The following COL18A1 variants were observed in gnomAD, a reference collection of about 807,000 sequenced individuals.
COL18A1 encodes the protein collagen alpha-1(XVIII) chain.
Under a neutral mutation model 168.0 loss-of-function variants are expected in COL18A1, and 133 were observed. That is an observed-to-expected ratio of 0.79 (90% CI 0.69 to 0.91). COL18A1 has a LOEUF of 0.91. Among genes scored for constraint, COL18A1 ranks in the 40% least tolerant of loss-of-function variants. The pLI, the probability that COL18A1 is intolerant of heterozygous loss-of-function variation, is 0.00. For synonymous variants in COL18A1, 949 were observed against 809.0 expected (o/e 1.17, Z -2.94); for missense variants, 2,126 against 1,925.4 (o/e 1.10, Z -1.95).
chr21:45,503,415 GTTGT>G (rs1315093274), intron 32 of COL18A1, among the ~76,000 whole-genome samples: 1 of 151,976 alleles, frequency 6.6e-6, no homozygotes, highest in Non-Finnish European at 1.5e-5. Context: ...TTTTGATGGG[GTTGT>G]TTGTGGCACA....
In COL18A1 at chr21:45,504,000, C is replaced by G. The variant is rs776311180; in HGVS notation, c.2684-11C>G. 1.2e-6 allele frequency: 2 copies of G among 1,609,308 alleles called. No individual in the cohort carries two copies. The highest frequency in any genetic ancestry group is 1.7e-6 in the Non-Finnish European group (2 of 1,179,924). On this transcript the variant is annotated splice_polypyrimidine_tract_variant and intron_variant, in intron 32 of 41. Coordinates refer to ENST00000651438, the MANE Select transcript of COL18A1 (RefSeq NM_001379500.1). ...CACCTCAGCGAGACCCCGCCTGTCT[C>G]TCTCTTGCAGGGCAGTTTCCGTTTG...
rs114139997 is a variant in COL18A1 at position 45,455,861 on chromosome 21, G to A, written c.107-12381G>A. 1,477 of 1,613,116 alleles carry A rather than the reference G, an allele frequency of 9.2e-4. 11 individuals are homozygous for A. The African/African-American group carries it at 0.018, about 20-fold the overall frequency. On this transcript the variant is annotated intron_variant, in intron 2 of 41. Coordinates refer to ENST00000651438, the MANE Select transcript of COL18A1 (RefSeq NM_001379500.1). ...GCCAGAGGAGAACATTGCCGGTGTC[G>A]GAGCCGAGATCCTGAACGTGGCCAA... is the stretch of plus-strand genomic sequence containing the variant.
chr21:45,510,643 G>A (rs2037525661), intron 40 of COL18A1, among the ~76,000 whole-genome samples: 1 of 152,228 alleles, frequency 6.6e-6, no homozygotes, highest in African/African-American at 2.4e-5. Flanking sequence ...CATGCGGGCT[G>A]GTGGCCCCTC....
At chr21:45,475,850 C>G (rs2035628886) in intron 5 of COL18A1, among the ~76,000 whole-genome samples, 1 of 152,248 alleles carries the variant, frequency 6.6e-6, no homozygotes, top group Non-Finnish European at 1.5e-5. Context: ...CCTCCGTTAG[C>G]TCGTGCGTGG....
rs1602354702 is a variant in COL18A1 at position 45,425,246 on chromosome 21, G to A, written c.106+19773G>A. Among the ~76,000 whole-genome samples, 2 of 152,122 alleles carry A rather than the reference G, an allele frequency of 1.3e-5. No homozygotes were observed. Among genetic ancestry groups the A allele is most frequent in the African/African-American group, 4.8e-5 (2 of 41,422 alleles). On this transcript the variant is annotated intron_variant, in intron 2 of 41. Coordinates refer to ENST00000651438, the MANE Select transcript of COL18A1 (RefSeq NM_001379500.1). The surrounding 1 kb of genome is among the most constrained non-coding windows in gnomAD (Gnocchi z 4.1). ...GAGTGCAGTGTGACCGCGTCCGCCC[G>A]TCTCCCCGGACACGCCTGTTGGAGC...
intron 8 of COL18A1, 143 bp from the exon 9 acceptor site, chr21:45,478,184 C>A (rs1425975634): frequency 9.2e-7 from 1 of 1,092,894 alleles, no homozygotes; most frequent in African/African-American, 1.5e-5. Flanking sequence ...TGAGGAGGCT[C>A]CTGGCGCGGG....
Position 45,488,321 on chromosome 21 carries a change from A to G in COL18A1, c.1897-97A>G, listed in dbSNP as rs2036185461. On this transcript the variant is annotated intron_variant, in intron 17 of 41. Coordinates refer to ENST00000651438, the MANE Select transcript of COL18A1 (RefSeq NM_001379500.1). ...CATTTCCTTTTACACACGTATTTTG[A>G]AGTCTTGACTGTTACTAGCGGGCTT... is the stretch of plus-strand genomic sequence containing the variant. 4.1e-6 allele frequency: 6 copies of G among 1,481,344 alleles called. No individual in the cohort carries two copies. In the African/African-American group the frequency reaches 6.9e-5, roughly 17 times the overall value. The allele number at this position is 1,481,344 out of a possible 1,614,324, so 91.8% of individuals were successfully genotyped here.
At chr21:45,475,334 C>T (rs1012601927) in intron 4 of COL18A1, 142 bp from the exon 5 acceptor site, 4 of 772,406 alleles carry the variant, frequency 5.2e-6, no homozygotes, top group Non-Finnish European at 9.0e-6. Flanking sequence ...AGCGGCCCCC[C>T]GGAGAGCACC....
chr21:45,440,293 C>T (rs1414144375), intron 2 of COL18A1, among the ~76,000 whole-genome samples: 2 of 152,248 alleles, frequency 1.3e-5, no homozygotes, highest in African/African-American at 2.4e-5. Context: ...TCTCACAGCC[C>T]CTTAGCTTCT....
chr21:45,469,161 A>G (rs151130618), intron 3 of COL18A1, among the ~76,000 whole-genome samples: 1,755 of 152,294 alleles, frequency 0.012, 37 homozygotes, highest in African/African-American at 0.04. Flanking sequence ...CCCGTGACCC[A>G]GAGACACCCC....
chr21:45,475,390 C>A (rs1411090265), intron 4 of COL18A1, 86 bp from the exon 5 acceptor site: 21 of 1,218,670 alleles, frequency 1.7e-5, no homozygotes, highest in Non-Finnish European at 2.2e-5. Context: ...GAGGCGAGAG[C>A]AGCGTCCTTT....
At chr21:45,464,142 T>A (rs2035126596) in intron 2 of COL18A1, among the ~76,000 whole-genome samples, 2 of 151,866 alleles carry the variant, frequency 1.3e-5, no homozygotes, top group Admixed American at 1.3e-4. Flanking sequence ...TGACCACATT[T>A]CCAGGTTGCC....
At position 45,438,060 on chromosome 21, in the gene COL18A1, ACACT is replaced by A. The variant is rs1233756540; in HGVS notation, c.107-30178_107-30175del. Among the ~76,000 whole-genome samples, 123 of 129,164 alleles carry A rather than the reference ACACT, an allele frequency of 9.5e-4. 3 individuals are homozygous for A. The highest frequency in any genetic ancestry group is 2.3e-3 in the Admixed American group (30 of 12,840). The allele number at this position is 129,164 out of a possible 152,430, so 84.7% of individuals were successfully genotyped here. On this transcript the variant is annotated intron_variant, in intron 2 of 41. Transcript: ENST00000651438. ...CACAGGCACTCTCCTGCACACACTC[ACACT>A]CACACTCAGACAAGCACTCTCCTGC...
Position 45,443,219 on chromosome 21 carries a change from G to T in COL18A1, c.107-25023G>T, listed in dbSNP as rs1037697145. On this transcript the variant is annotated intron_variant, in intron 2 of 41. Transcript: ENST00000651438. The surrounding 1 kb of genome is among the most constrained non-coding windows in gnomAD (Gnocchi z 5.2). ...TCTTGCATCCAGCACAGGTCCTGGT[G>T]CCTGGGAGGTGCTTACCCCATGGCC... Among the ~76,000 whole-genome samples the T allele has an allele frequency of 2.0e-5, 3 of 151,820 alleles. No homozygotes were observed. Among genetic ancestry groups the T allele is most frequent in the African/African-American group, 7.3e-5 (3 of 41,230 alleles).
intron 2 of COL18A1, among the ~76,000 whole-genome samples, chr21:45,434,448 T>C (rs545955902): frequency 6.6e-6 from 1 of 152,238 alleles, no homozygotes; most frequent in East Asian, 1.9e-4. Flanking sequence ...CTTTCCTTGC[T>C]CTCTCCGGGG....
rs181910524 is a variant in COL18A1 at position 45,426,451 on chromosome 21, C to A, written c.106+20978C>A. On this transcript the variant is annotated intron_variant, in intron 2 of 41. Transcript: ENST00000651438. ...CAGCCCCTGGTTCAGCGTGGCGAGG[C>A]TGCGCTTGCTCTCCCGGGCGGGCGT... Among the ~76,000 whole-genome samples the A allele has an allele frequency of 3.6e-4, 55 of 152,302 alleles. No individual in the cohort carries two copies. The East Asian group carries it at 0.01, about 28-fold the overall frequency.
intron 6 of COL18A1, among the ~76,000 whole-genome samples, chr21:45,476,691 T>C (rs983573025): frequency 4.6e-5 from 7 of 151,480 alleles, no homozygotes; most frequent in African/African-American, 1.7e-4. Flanking sequence ...TTGTGACATG[T>C]GTGATGTTTA....
chr21:45,475,459 C>G lies in COL18A1; in HGVS notation c.739-17C>G. On this transcript the variant is annotated splice_polypyrimidine_tract_variant and intron_variant, in intron 4 of 41. Coordinates refer to ENST00000651438, the MANE Select transcript of COL18A1 (RefSeq NM_001379500.1). ...TGGCTGCCATCTCTCCAGCCTTTCC[C>G]TTTTCAAACTCCTCAGGCATCCGGA... 6.3e-7 allele frequency: 1 copy of G among 1,589,824 alleles called. No individual in the cohort carries two copies. Among genetic ancestry groups the G allele is most frequent in the African/African-American group, 1.3e-5 (1 of 74,818 alleles).
chr21:45,422,960 T>C (rs1205961682), intron 2 of COL18A1, among the ~76,000 whole-genome samples: 1 of 152,076 alleles, frequency 6.6e-6, no homozygotes, highest in Non-Finnish European at 1.5e-5. Flanking sequence ...GCTAATTTTT[T>C]TGTATTTTTG....
Sources: allele counts gnomAD v4.1 joint callset (sites outside exome capture counted in the v4.1 genomes callset), GRCh38; gene constraint gnomAD v4.1.1; non-coding constraint Gnocchi (gnomAD v3.1); transcripts MANE v1.5; gene names NCBI Gene and HGNC (gene_info 2026-07-23, HGNC 2026-07-21).